Variants in CHSY1 observed in about 807,000 individuals in gnomAD.
The protein encoded by CHSY1 is N-acetylgalactosaminyl-proteoglycan 3-beta-glucuronosyltransferase 1.
In CHSY1, 13 loss-of-function variants were observed where a neutral mutation model predicts 59.8. That is an observed-to-expected ratio of 0.22 (90% CI 0.14 to 0.35). The LOEUF (loss-of-function observed/expected upper bound fraction) is 0.35, where lower values mean the gene tolerates loss of function less well. Ranked by LOEUF, CHSY1 falls within the 10% of genes least tolerant of loss-of-function variation. CHSY1 has a pLI of 1.00. For synonymous variants in CHSY1, 459 were observed against 401.2 expected (o/e 1.14, Z -1.72); for missense variants, 947 against 1,030.6 (o/e 0.92, Z 1.11).
At chr15:101,248,953 AT>A (rs565187410) in intron 1 of CHSY1, among the ~76,000 whole-genome samples, 23,134 of 111,484 alleles carry the variant, frequency 0.21, 1,967 homozygotes, top group African/African-American at 0.35. Context: ...AGCCTGGCTA[AT>A]TTTTTTTTTT....
At chr15:101,247,856 A>C (rs1041160622) in intron 1 of CHSY1, among the ~76,000 whole-genome samples, 15 of 152,132 alleles carry the variant, frequency 9.9e-5, no homozygotes, top group African/African-American at 3.6e-4. Context: ...GTGGACGGGC[A>C]TATCTCCTTG....
At position 101,251,344 on chromosome 15, in the gene CHSY1, C is replaced by T; in HGVS notation, c.113G>A (p.Gly38Asp). 5.2e-6 allele frequency: 6 copies of T among 1,144,504 alleles called. No homozygotes were observed. Among genetic ancestry groups the T allele is most frequent in the African/African-American group, 1.7e-5 (1 of 60,160 alleles). 70.9% of individuals were successfully genotyped at this position (1,144,504 alleles called of 1,614,324 possible). ...CTCGGGGCTGGCGCGGCGCCGTGGG[C>T]CCGCTCGCTTCAGCTCGGAAGCCCG... ...LPRASELKRA[G>D]PRRRASPEGC... The change falls in exon 1 of 3, where the codon GGC becomes GAC. Residue 38 changes from glycine (G) to aspartate (D), a missense_variant. Transcript: ENST00000254190.
rs761334027 is a variant in CHSY1, at chr15:101,177,858, T to C, written c.1939A>G (p.Asn647Asp). The change falls in exon 3 of 3, where the codon AAT becomes GAT. Residue 647 changes from asparagine to aspartate, a missense_variant. This residue lies in a region of CHSY1 where 602 missense variants were observed against 676.9 expected (regional missense o/e 0.89). Coordinates refer to ENST00000254190, the MANE Select transcript of CHSY1 (RefSeq NM_014918.5). ...TTEFLQRCRA[N>D]TVLGQQIYFP... ...TATATTTGTTGGCCCAGAACTGTAT[T>C]TGCTCGACATCGCTGAAGGAATTCT... 7 of 1,614,102 alleles carry C rather than the reference T, an allele frequency of 4.3e-6. No individual in the cohort carries two copies. The African/African-American group carries it at 5.3e-5, about 12-fold the overall frequency.
At chr15:101,213,321 T>TTA (rs2038700330) in intron 2 of CHSY1, among the ~76,000 whole-genome samples, 2 of 140,660 alleles carry the variant, frequency 1.4e-5, no homozygotes, top group South Asian at 4.3e-4. Context: ...TGATACTAGT[T>TTA]TATAGTCTTT....
At chr15:101,230,069 G>C (rs912992772) in intron 2 of CHSY1, among the ~76,000 whole-genome samples, 1 of 151,506 alleles carries the variant, frequency 6.6e-6, no homozygotes, top group Non-Finnish European at 1.5e-5. Context: ...AGCCTCCAGA[G>C]TAACTAGGAC....
At chr15:101,228,142 A>T (rs2038858721) in intron 2 of CHSY1, among the ~76,000 whole-genome samples, 1 of 152,154 alleles carries the variant, frequency 6.6e-6, no homozygotes, top group African/African-American at 2.4e-5. Context: ...CTGAAATGAA[A>T]ATATCACAAC....
chr15:101,240,941 G>A (rs989903419), intron 1 of CHSY1, among the ~76,000 whole-genome samples: 5 of 152,138 alleles, frequency 3.3e-5, no homozygotes, highest in African/African-American at 1.2e-4. Context: ...CATAATATAC[G>A]GGTAAGCTTA....
chr15:101,221,904 C>T (rs971858744), intron 2 of CHSY1, among the ~76,000 whole-genome samples: 3 of 151,502 alleles, frequency 2.0e-5, no homozygotes, highest in Admixed American at 6.6e-5. Flanking sequence ...AAAATCCCTG[C>T]CAGAGTTCAA....
intron 2 of CHSY1, among the ~76,000 whole-genome samples, chr15:101,214,115 C>G (rs2038708703): frequency 6.6e-6 from 1 of 152,198 alleles, no homozygotes; most frequent in Non-Finnish European, 1.5e-5. Context: ...GCAGAGTCCC[C>G]ATTGCACAAA....
At chr15:101,217,613 G>C (rs1264332730) in intron 2 of CHSY1, among the ~76,000 whole-genome samples, 1 of 152,200 alleles carries the variant, frequency 6.6e-6, no homozygotes, top group African/African-American at 2.4e-5. Flanking sequence ...AGAAGGAAGG[G>C]ATGGAGGGAG....
At chr15:101,230,849 A>C (rs966213202) in intron 2 of CHSY1, among the ~76,000 whole-genome samples, 40 of 152,058 alleles carry the variant, frequency 2.6e-4, no homozygotes, top group African/African-American at 8.7e-4. Context: ...CTCCTCAACT[A>C]CTCTGAAGTC....
intron 2 of CHSY1, among the ~76,000 whole-genome samples, chr15:101,196,592 C>G (rs1354434345): frequency 6.6e-6 from 1 of 152,088 alleles, no homozygotes; most frequent in Non-Finnish European, 1.5e-5. Context: ...GGGATTACAC[C>G]CCGAGATCCA....
intron 1 of CHSY1, among the ~76,000 whole-genome samples, chr15:101,238,230 G>A (rs1221951290): frequency 1.5e-5 from 2 of 136,402 alleles, no homozygotes; most frequent in Non-Finnish European, 3.0e-5. Flanking sequence ...ATTCAGTGTT[G>A]TGAAACCATC....
At chr15:101,192,907 A>T (rs1014770659) in intron 2 of CHSY1, among the ~76,000 whole-genome samples, 1 of 152,188 alleles carries the variant, frequency 6.6e-6, no homozygotes, top group African/African-American at 2.4e-5. Flanking sequence ...GAGGCACCCA[A>T]TTTTAAAAAA....
At chr15:101,190,117 G>A (rs959443677) in intron 2 of CHSY1, among the ~76,000 whole-genome samples, 1 of 152,204 alleles carries the variant, frequency 6.6e-6, no homozygotes, top group African/African-American at 2.4e-5. Flanking sequence ...GCCATCTCCA[G>A]TTCATATGAA....
At chr15:101,226,053 A>G (rs573341023) in intron 2 of CHSY1, among the ~76,000 whole-genome samples, 2 of 152,380 alleles carry the variant, frequency 1.3e-5, no homozygotes, top group East Asian at 3.9e-4. Flanking sequence ...CACAGATCCA[A>G]AGCAACTAAC....
chr15:101,247,230 T>C (rs921220914), intron 1 of CHSY1, among the ~76,000 whole-genome samples: 5 of 152,140 alleles, frequency 3.3e-5, no homozygotes, highest in Admixed American at 2.6e-4. Flanking sequence ...GCCTTCTTGG[T>C]GTTCCTTTCC....
At chr15:101,221,181 GCAGA>G (rs1274799067) in intron 2 of CHSY1, among the ~76,000 whole-genome samples, 3 of 152,286 alleles carry the variant, frequency 2.0e-5, no homozygotes, top group Admixed American at 2.0e-4. Context: ...ACGCAGGTAC[GCAGA>G]CAAATTTTTA....
At chr15:101,227,802 C>T (rs191658428) in intron 2 of CHSY1, among the ~76,000 whole-genome samples, 54 of 152,302 alleles carry the variant, frequency 3.5e-4, no homozygotes, top group African/African-American at 1.2e-3. Context: ...AAATCTCTGT[C>T]CAGTCATTAG....
Sources: allele counts gnomAD v4.1 joint callset (sites outside exome capture counted in the v4.1 genomes callset), GRCh38; gene constraint gnomAD v4.1.1; regional missense constraint gnomAD v4.1.1; transcripts MANE v1.5; gene names NCBI Gene and HGNC (gene_info 2026-07-23, HGNC 2026-07-21).